The following ANO8 variants were observed in gnomAD, a reference collection of about 807,000 sequenced individuals.
The protein encoded by ANO8 is anoctamin-8.
ANO8 carries 67 observed loss-of-function variants against 120.4 expected under a neutral mutation model. That is an observed-to-expected ratio of 0.56 (90% confidence interval 0.46 to 0.68). The LOEUF (loss-of-function observed/expected upper bound fraction) is 0.68, where lower values mean the gene tolerates loss of function less well. Among genes scored for constraint, ANO8 ranks in the 30% least tolerant of loss-of-function variants. The pLI is 0.00. For synonymous variants in ANO8, 727 were observed against 759.2 expected (o/e 0.96, Z 0.70); for missense variants, 1,526 against 1,737.6 (o/e 0.88, Z 2.16).
In ANO8 at chr19:17,330,413, G is replaced by A; in HGVS notation, c.1085C>T (p.Pro362Leu). The A allele has an allele frequency of 6.3e-7, 1 of 1,578,562 alleles. No homozygotes were observed. Among genetic ancestry groups the A allele is most frequent in the Non-Finnish European group, 8.6e-7 (1 of 1,162,684 alleles). The change falls in exon 9 of 18, where the codon CCC becomes CTC. Residue 362 changes from proline to leucine, a missense_variant. Coordinates refer to ENST00000159087, the MANE Select transcript of ANO8 (RefSeq NM_020959.3). Reference sequence around the variant, plus strand: ...ACAGACGAGGCACGCCAGGCACAGGGGGAGGCTCACAAGCAGCTGGAAGAG... The same window carrying A: ...ACAGACGAGGCACGCCAGGCACAGGAGGAGGCTCACAAGCAGCTGGAAGAG... ...RLLFQLLVSL[P>L]LCLACLVCVF...
chr19:17,328,307 C>T lies in ANO8; in HGVS notation c.2081G>A (p.Gly694Asp), dbSNP rs915860543. 9.4e-6 allele frequency: 15 copies of T among 1,600,082 alleles called. No individual in the cohort carries two copies. The highest frequency in any genetic ancestry group is 1.2e-5 in the Non-Finnish European group (14 of 1,175,188). Residue 694 changes from glycine (G) to aspartate (D), a missense_variant, in exon 13 of 18, where the codon GGC becomes GAC. Gly to Asp is a moderately conservative substitution (Grantham distance 94). Around this residue, in one of 8 missense-constraint regions of ANO8, gnomAD observed 467 missense variants for 425.8 expected, o/e 1.10. Transcript: ENST00000159087. The stretch of plus-strand genomic sequence containing the variant: ...GTTGGAGCCGGGTTCCGGGTCCGGG[C>T]CCCCGTCGGGCCCCTGGTCTCGGCC... ...GEGRDQGPDG[G>D]PDPEPGSNSD...
Position 17,323,759 on chromosome 19 carries a change from C to T in ANO8, c.3457G>A (p.Gly1153Arg). The T allele has an allele frequency of 1.7e-6, 2 of 1,193,032 alleles. No homozygotes were observed. Among genetic ancestry groups the T allele is most frequent in the African/African-American group, 1.6e-5 (1 of 62,678 alleles). The allele number at this position is 1,193,032 out of a possible 1,614,324, so 73.9% of individuals were successfully genotyped here. A position where few individuals can be genotyped will look rare whatever the true frequency, so the allele number is the denominator to read the frequency against. The part of the protein sequence containing the change: ...TPPAGCWQWD[G>R]PWGCGGEGAA... Reference sequence around the variant, plus strand: ...CCCTCGCCCCCGCAGCCCCAGGGCCCGTCCCACTGCCAGCAGCCTGCGGGC... The same window carrying T: ...CCCTCGCCCCCGCAGCCCCAGGGCCTGTCCCACTGCCAGCAGCCTGCGGGC... The change falls in exon 18 of 18, where the codon GGG becomes AGG. Residue 1153 changes from glycine to arginine, a missense_variant. Gly to Arg is a moderately radical substitution (Grantham distance 125). This residue lies in a region of ANO8 where 489 missense variants were observed against 548.6 expected (regional missense o/e 0.89). Coordinates refer to ENST00000159087, the MANE Select transcript of ANO8 (RefSeq NM_020959.3).
At chr19:17,327,910 G>A in intron 13 of ANO8, 30 bp from the exon 14 acceptor site, 1 of 1,602,960 alleles carries the variant, frequency 6.2e-7, no homozygotes, top group Non-Finnish European at 8.5e-7. Flanking sequence ...AGACCTGGAA[G>A]CCTCTTCCCT....
At chr19:17,334,523 A>C in intron 1 of ANO8, 42 bp downstream of exon 1, 1 of 1,467,448 alleles carries the variant, frequency 6.8e-7, no homozygotes, top group Admixed American at 2.0e-5. Context: ...CGGGCTCCCC[A>C]GGCACCTGCA....
chr19:17,333,660 C>T lies in ANO8; in HGVS notation c.217+30G>A, dbSNP rs201349765. 6.8e-4 allele frequency: 155 copies of T among 228,024 alleles called. 3 individuals are homozygous for T. The East Asian group carries it at 0.072, about 106-fold the overall frequency. The allele number at this position is 228,024 out of a possible 1,614,324, so 14.1% of individuals were successfully genotyped here. A position where few individuals can be genotyped will look rare whatever the true frequency, so the allele number is the denominator to read the frequency against. On this transcript the variant is annotated intron_variant, in intron 2 of 17. Transcript: ENST00000159087. This position sits in a 1 kb window ranked among gnomAD's most constrained non-coding sequence, Gnocchi z 7.2. ...AGCTCAGGAGAGCCGCATCTGGGCACTGGGCGGGCGGGCGGGCGGGCTTGG... is the reference window on the plus strand; with the variant it reads ...AGCTCAGGAGAGCCGCATCTGGGCATTGGGCGGGCGGGCGGGCGGGCTTGG...
At chr19:17,332,544 G>A (rs2074326878) in intron 5 of ANO8, among the ~76,000 whole-genome samples, 1 of 152,158 alleles carries the variant, frequency 6.6e-6, no homozygotes, top group African/African-American at 2.4e-5. Context: ...TAAGTGGAGT[G>A]CTGTCCATGG....
chr19:17,323,448 T>G lies in ANO8; in HGVS notation c.*69A>C. On this transcript the variant is annotated 3_prime_UTR_variant, in exon 18 of 18. Transcript: ENST00000159087. ...CTCGGGGGCTGAAGCGCATTTTGCA[T>G]TTTGGAGACCGGCCGCCCCTGTGAA... is the stretch of plus-strand genomic sequence containing the variant. 2 of 1,271,322 alleles carry G rather than the reference T, an allele frequency of 1.6e-6. No homozygotes were observed. Among genetic ancestry groups the G allele is most frequent in the Non-Finnish European group, 2.0e-6 (2 of 1,005,618 alleles). 78.8% of individuals were successfully genotyped at this position (1,271,322 alleles called of 1,614,324 possible).
chr19:17,325,603 T>A (rs776429146), intron 16 of ANO8, among the ~76,000 whole-genome samples: 3 of 152,216 alleles, frequency 2.0e-5, no homozygotes, highest in Non-Finnish European at 2.9e-5. Flanking sequence ...AGATACATGA[T>A]CAGCCTCTCT....
At position 17,334,749 on chromosome 19, in the gene ANO8, C is replaced by CG; in HGVS notation, c.-80dup. ...CGGGCTCATGGGGCCGGTGCAGCCG[C>CG]GGAGCGCGCGGGAGGAGGAGACAAA... is the stretch of plus-strand genomic sequence containing the variant. On this transcript the variant is annotated 5_prime_UTR_variant, in exon 1 of 18. Transcript: ENST00000159087. 2.4e-6 allele frequency: 3 copies of CG among 1,250,118 alleles called. No individual in the cohort carries two copies. The highest frequency in any genetic ancestry group is 3.1e-6 in the Non-Finnish European group (3 of 962,706). 77.4% of individuals were successfully genotyped at this position (1,250,118 alleles called of 1,614,324 possible). A position where few individuals can be genotyped will look rare whatever the true frequency, so the allele number is the denominator to read the frequency against.
In ANO8 at chr19:17,330,995, A is replaced by G; in HGVS notation, c.832-6T>C. 1 of 1,614,156 alleles carries G rather than the reference A, an allele frequency of 6.2e-7. No individual in the cohort carries two copies. The highest frequency in any genetic ancestry group is 1.3e-5 in the African/African-American group (1 of 75,046). On this transcript the variant is annotated splice_polypyrimidine_tract_variant and splice_region_variant and intron_variant, in intron 7 of 17. Transcript: ENST00000159087. ...CAGGAAACATCCCGGCTTGTCTGTG[A>G]GTGGCAGAGAAGAGTTGAGTCATTG...
chr19:17,328,177 A>G lies in ANO8; in HGVS notation c.2211T>C (p.Cys737=), dbSNP rs1599545769. ...PQLTQAELES[C]MKKYEDTFQD... ...CCCTCCTCACCTCGTACTTCTTCAT[A>G]CAGCTCTCCAGCTCTGCCTGGGTGA... The change falls in exon 13 of 18, where the codon TGT becomes TGC. Residue 737 remains cysteine (C), a synonymous_variant. Coordinates refer to ENST00000159087, the MANE Select transcript of ANO8 (RefSeq NM_020959.3). The G allele has an allele frequency of 1.3e-6, 2 of 1,583,546 alleles. No individual in the cohort carries two copies. The highest frequency in any genetic ancestry group is 1.7e-6 in the Non-Finnish European group (2 of 1,160,574).
chr19:17,332,239 T>A (rs1487957891), intron 5 of ANO8, among the ~76,000 whole-genome samples: 2 of 109,914 alleles, frequency 1.8e-5, no homozygotes, highest in East Asian at 4.0e-4. Flanking sequence ...CCGGCCTTAT[T>A]TTTTACTTTA....
rs2074340803 is a variant in ANO8 at position 17,333,950 on chromosome 19, C to T, written c.107-150G>A. On this transcript the variant is annotated intron_variant, in intron 1 of 17. Transcript: ENST00000159087. The surrounding 1 kb of genome is among the most constrained non-coding windows in gnomAD (Gnocchi z 7.2). ...GCTCTGGGCTTGGCTTATTTTCCTC[C>T]CTCCACGTCCTTGTACCAGCCAGGC... 3 of 662,092 alleles carry T rather than the reference C, an allele frequency of 4.5e-6. No individual in the cohort carries two copies. The highest frequency in any genetic ancestry group is 1.8e-5 in the South Asian group (1 of 54,380). 41.0% of individuals were successfully genotyped at this position (662,092 alleles called of 1,614,324 possible).
chr19:17,324,850 G>A lies in ANO8; in HGVS notation c.3198C>T (p.Ser1066=), dbSNP rs746679381. The A allele has an allele frequency of 1.3e-5, 21 of 1,612,358 alleles. No individual in the cohort carries two copies. In the Admixed American group the frequency reaches 2.2e-4, roughly 17 times the overall value. ...GCCGGGCCTGCCCGCCCGCCCCGTT[G>A]GACCCAGGCTCAGCCCGGGTGCCAC... is the stretch of plus-strand genomic sequence containing the variant. ...PFGGTRAEPG[S]NGAGGQARPD... The change falls in exon 17 of 18, where the codon TCC becomes TCT. Residue 1066 remains serine, a synonymous_variant. Coordinates refer to ENST00000159087, the MANE Select transcript of ANO8 (RefSeq NM_020959.3).
intron 14 of ANO8, 57 bp downstream of exon 14, chr19:17,327,632 C>T: frequency 6.2e-7 from 1 of 1,607,740 alleles, no homozygotes; most frequent in Non-Finnish European, 8.5e-7. Context: ...CAGGCTCCTC[C>T]CAGCTGCACC....
chr19:17,330,359 T>G lies in ANO8; in HGVS notation c.1139A>C (p.Gln380Pro), dbSNP rs1228975008. The G allele has an allele frequency of 6.3e-7, 1 of 1,599,862 alleles. No homozygotes were observed. The highest frequency in any genetic ancestry group is 2.3e-5 in the East Asian group (1 of 44,382). Residue 380 changes from glutamine to proline, a missense_variant, in exon 9 of 18, where the codon CAG becomes CCG. Physicochemically the swap from Gln to Pro is moderately conservative, Grantham distance 76 (BLOSUM62 -1). Transcript: ENST00000159087. ...GAGGGTATGGGGGGTCACCTGCAGCTGGAAGCAGCCAAGCATGAGCAAGAA... is the reference window on the plus strand; with the variant it reads ...GAGGGTATGGGGGGTCACCTGCAGCGGGAAGCAGCCAAGCATGAGCAAGAA... ...CVFLLMLGCF[Q>P]LQELVLSVKG... is the part of the protein sequence containing the mutation.
In ANO8 at chr19:17,331,106, T is replaced by C. The variant is rs745951993; in HGVS notation, c.813A>G (p.Thr271=). 7 of 1,614,046 alleles carry C rather than the reference T, an allele frequency of 4.3e-6. No homozygotes were observed. The highest frequency in any genetic ancestry group is 3.3e-5 in the Admixed American group (2 of 60,002). ...YPAVFGSVLY[T]FTEADQTSRD... ...CCAGTACCTGATCAGCCTCTGTGAA[T>C]GTGTACAGGACAGACCCGAAGACAG... The change falls in exon 7 of 18, where the codon ACA becomes ACG. Residue 271 remains threonine, a synonymous_variant. Transcript: ENST00000159087.
chr19:17,324,964 C>T lies in ANO8; in HGVS notation c.3084G>A (p.Lys1028=). The T allele has an allele frequency of 6.2e-7, 1 of 1,613,370 alleles. No individual in the cohort carries two copies. The highest frequency in any genetic ancestry group is 8.5e-7 in the Non-Finnish European group (1 of 1,179,940). ...DTRLPAFLSF[K]FLKSPETRRD... ...GCCGGGTCTCGGGTGACTTGAGGAA[C>T]TTGAAGCTGAGGAAGGCAGGCAGGC... The change falls in exon 17 of 18, where the codon AAG becomes AAA. Residue 1028 remains lysine, a synonymous_variant. Coordinates refer to ENST00000159087, the MANE Select transcript of ANO8 (RefSeq NM_020959.3).
rs537945414 is a variant in ANO8, at chr19:17,325,309, A to G, written c.2739T>C (p.His913=). 6.2e-7 allele frequency: 1 copy of G among 1,605,630 alleles called. No homozygotes were observed. Among genetic ancestry groups the G allele is most frequent in the African/African-American group, 1.3e-5 (1 of 75,040 alleles). The change falls in exon 17 of 18, where the codon CAT becomes CAC. Residue 913 remains histidine, a synonymous_variant. Transcript: ENST00000159087. ...GCTCCCGCCGGGCATGGTGCTCTGC[A>G]TGGCGCTGTCGCTCCTCCTCCTCCC... ...RRREEEERQR[H]AEHHARREHD... is the part of the protein sequence containing the mutation.
Sources: allele counts gnomAD v4.1 joint callset (sites outside exome capture counted in the v4.1 genomes callset), GRCh38; gene constraint gnomAD v4.1.1; regional missense constraint gnomAD v4.1.1; non-coding constraint Gnocchi (gnomAD v3.1); transcripts MANE v1.5; gene names NCBI Gene and HGNC (gene_info 2026-07-23, HGNC 2026-07-21).